Variants in SNX29 observed in about 807,000 individuals in gnomAD.
SNX29 encodes sorting nexin-29.
A neutral mutation model predicts 102.1 loss-of-function variants in SNX29; 78 were observed. That is an observed-to-expected ratio of 0.76 (90% CI 0.64 to 0.92). The LOEUF (loss-of-function observed/expected upper bound fraction) is 0.92. Ranked by LOEUF, SNX29 falls within the 40% of genes least tolerant of loss-of-function variation. The probability of loss-of-function intolerance (pLI) is 0.00; values close to 1 mark genes in which losing one functional copy is unlikely to be tolerated. For synonymous variants in SNX29, 580 were observed against 414.5 expected, an observed-to-expected ratio of 1.40 and a Z score of -4.85; for missense variants, 1,280 against 1,061.7, an observed-to-expected ratio of 1.21 and a Z score of -2.86.
At chr16:12,518,743 G>A (rs966481374) in intron 19 of SNX29, among the ~76,000 whole-genome samples, 2 of 152,218 alleles carry the variant, frequency 1.3e-5, no homozygotes, top group Non-Finnish European at 2.9e-5. Context: ...GGCCATGTCA[G>A]CTACCAGGTG....
At chr16:12,426,800 G>A (rs2151610648) in intron 18 of SNX29, among the ~76,000 whole-genome samples, 1 of 152,262 alleles carries the variant, frequency 6.6e-6, no homozygotes, top group South Asian at 2.1e-4. Flanking sequence ...TATGTAGCTG[G>A]GATTACAGGT....
At chr16:12,496,803 C>T (rs768172332) in intron 19 of SNX29, among the ~76,000 whole-genome samples, 2 of 152,044 alleles carry the variant, frequency 1.3e-5, no homozygotes, top group East Asian at 1.9e-4. Context: ...CTGCAGGGTT[C>T]GGGGAAGACA....
At chr16:12,416,940 C>T (rs1038718808) in intron 18 of SNX29, among the ~76,000 whole-genome samples, 1 of 152,158 alleles carries the variant, frequency 6.6e-6, no homozygotes. Context: ...CATATCAACC[C>T]CATAACTGTG....
At chr16:12,409,180 C>A (rs572998789) in intron 18 of SNX29, among the ~76,000 whole-genome samples, 1 of 152,144 alleles carries the variant, frequency 6.6e-6, no homozygotes, top group South Asian at 2.1e-4. Flanking sequence ...AGGCACTAGC[C>A]GGAGACAAAA....
intron 16 of SNX29, chr16:12,367,611 A>C (rs1006949130): frequency 7.2e-5 from 11 of 152,218 alleles, no homozygotes; most frequent in Non-Finnish European, 1.5e-4. Flanking sequence ...CTTCGGAGGG[A>C]GTGATCTCAT....
intron 13 of SNX29, among the ~76,000 whole-genome samples, chr16:12,162,718 T>G (rs946266565): frequency 2.0e-5 from 3 of 152,186 alleles, no homozygotes; most frequent in African/African-American, 7.2e-5. Context: ...CTGTTCACTT[T>G]GGGTCCAGTG....
intron 18 of SNX29, among the ~76,000 whole-genome samples, chr16:12,408,648 C>G (rs536915465): frequency 6.6e-5 from 10 of 152,258 alleles, no homozygotes; most frequent in African/African-American, 2.2e-4. Context: ...TGGTGAAACC[C>G]CATCTCTACT....
rs1044489489 is a variant in SNX29, at chr16:12,096,712, C to G, written c.1402+17797C>G. On this transcript the variant is annotated intron_variant, in intron 11 of 20. Transcript: ENST00000566228. This position sits in a 1 kb window ranked among gnomAD's most constrained non-coding sequence, Gnocchi z 4.2. The stretch of plus-strand genomic sequence containing the variant: ...TGGCACTGAACAACCGCCACTCGAT[C>G]CACCCATGGGAACGAGTTCCCCGTG... Among the ~76,000 whole-genome samples, 1 of 152,204 alleles carries G rather than the reference C, an allele frequency of 6.6e-6. No individual in the cohort carries two copies. Among genetic ancestry groups the G allele is most frequent in the Non-Finnish European group, 1.5e-5 (1 of 68,044 alleles).
At chr16:12,158,098 G>A (rs1001341221) in intron 13 of SNX29, among the ~76,000 whole-genome samples, 2 of 151,356 alleles carry the variant, frequency 1.3e-5, no homozygotes, top group Admixed American at 6.6e-5. Context: ...TTTTTTTTTA[G>A]AGACAGTTCT....
intron 20 of SNX29, chr16:12,546,249 G>A (rs1012788976): frequency 5.3e-5 from 8 of 152,170 alleles, no homozygotes; most frequent in South Asian, 2.1e-4. Flanking sequence ...ACCTCTTTTC[G>A]ACCCTTCGTA....
At chr16:12,156,058 C>T (rs991526253) in intron 13 of SNX29, among the ~76,000 whole-genome samples, 5 of 152,258 alleles carry the variant, frequency 3.3e-5, no homozygotes, top group Admixed American at 1.3e-4. Flanking sequence ...TGTTCCTTAA[C>T]GTGCGTGGCG....
chr16:12,449,033 T>C (rs1274222708), intron 18 of SNX29, among the ~76,000 whole-genome samples: 2 of 152,182 alleles, frequency 1.3e-5, no homozygotes, highest in Non-Finnish European at 2.9e-5. Flanking sequence ...AACGTACATG[T>C]ACTACGCAAC....
In SNX29 at chr16:12,348,536, CTGTGTGTGTGTACATG is replaced by C. The variant is rs911751713; in HGVS notation, c.1783-7615_1783-7600del. 1.1e-3 allele frequency among the ~76,000 whole-genome samples: 166 copies of C among 150,908 alleles called. 1 individual carries two copies. Among genetic ancestry groups the C allele is most frequent in the African/African-American group, 4.0e-3 (160 of 40,226 alleles). On this transcript the variant is annotated intron_variant, in intron 15 of 20. Coordinates refer to ENST00000566228, the MANE Select transcript of SNX29 (RefSeq NM_032167.5). ...GCGTTGACAGCGCCTTTCCCCGGCTCTGTGTGTGTGTACATGTGTGTGTGTGTGACAGTGTCCCTTA... is the reference window on the plus strand; with the variant it reads ...GCGTTGACAGCGCCTTTCCCCGGCTCTGTGTGTGTGTGACAGTGTCCCTTA...
chr16:12,122,480 C>G (rs924573705), intron 11 of SNX29, among the ~76,000 whole-genome samples: 1 of 152,028 alleles, frequency 6.6e-6, no homozygotes, highest in African/African-American at 2.4e-5. Flanking sequence ...TCAGAAAAGG[C>G]GCTCCCCAAG....
rs529790291 is a variant in SNX29, at chr16:12,018,400, A to G, written c.123-8920A>G. The stretch of plus-strand genomic sequence containing the variant: ...AGACCACCCTGGCCAAGATGGTAAA[A>G]CCCCATGTCTACTAAAAATTAAAAA... On this transcript the variant is annotated intron_variant, in intron 3 of 20. Transcript: ENST00000566228. 1.2e-3 allele frequency among the ~76,000 whole-genome samples: 176 copies of G among 149,888 alleles called. 1 individual carries two copies. Among genetic ancestry groups the G allele is most frequent in the African/African-American group, 4.3e-3 (173 of 40,650 alleles).
chr16:12,426,315 G>A (rs1180557569), intron 18 of SNX29, among the ~76,000 whole-genome samples: 2 of 152,162 alleles, frequency 1.3e-5, no homozygotes, highest in East Asian at 3.9e-4. Context: ...GCCTTTAGCC[G>A]GGGCTTGCAG....
intron 20 of SNX29, among the ~76,000 whole-genome samples, chr16:12,550,572 T>C (rs1479621933): frequency 2.0e-5 from 3 of 150,530 alleles, no homozygotes; most frequent in Non-Finnish European, 4.4e-5. Context: ...TGAGGATATA[T>C]ACTTCCACCG....
At chr16:12,295,049 C>G (rs1401619456) in intron 15 of SNX29, among the ~76,000 whole-genome samples, 1 of 152,174 alleles carries the variant, frequency 6.6e-6, no homozygotes, top group Non-Finnish European at 1.5e-5. Context: ...CAACACATCT[C>G]GTGAGACTTA....
intron 9 of SNX29, among the ~76,000 whole-genome samples, chr16:12,064,142 G>A (rs2050911556): frequency 6.6e-6 from 1 of 152,144 alleles, no homozygotes; most frequent in South Asian, 2.1e-4. Context: ...GGTGCTTGCA[G>A]TAGGTGGTCT....
Sources: gnomAD v4.1 joint callset for allele counts (sites outside exome capture counted in the v4.1 genomes callset) on GRCh38, gnomAD v4.1.1 for gene constraint, Gnocchi (gnomAD v3.1) non-coding constraint, MANE v1.5 for transcripts, NCBI Gene and HGNC (gene_info 2026-07-23, HGNC 2026-07-21) for gene names.